The following CDH6 variants were observed in gnomAD, a reference collection of about 807,000 sequenced individuals.
The protein encoded by CDH6 is cadherin-6.
A neutral mutation model predicts 78.0 loss-of-function variants in CDH6; 31 were observed. The observed-to-expected ratio is 0.40, with a 90% CI of 0.30 to 0.54. The LOEUF (loss-of-function observed/expected upper bound fraction) is 0.54, where lower values mean the gene tolerates loss of function less well. Ranked by LOEUF, CDH6 falls within the 20% of genes least tolerant of loss-of-function variation. The pLI, the probability that CDH6 is intolerant of heterozygous loss-of-function variation, is 0.56. For synonymous variants in CDH6, 376 were observed against 368.8 expected, an observed-to-expected ratio of 1.02 and a Z score of -0.23; for missense variants, 724 against 975.9, an observed-to-expected ratio of 0.74 and a Z score of 3.44.
intron 1 of CDH6, among the ~76,000 whole-genome samples, chr5:31,202,762 C>T (rs990665163): frequency 2.0e-5 from 3 of 149,818 alleles, no homozygotes; most frequent in African/African-American, 7.4e-5. Context: ...GTAACATATA[C>T]ACGCATATAT....
intron 1 of CDH6, among the ~76,000 whole-genome samples, chr5:31,234,749 T>G (rs556552649): frequency 1.3e-5 from 2 of 152,368 alleles, no homozygotes; most frequent in East Asian, 3.8e-4. Flanking sequence ...TATTATTATA[T>G]TGATTAGCTC....
intron 1 of CDH6, among the ~76,000 whole-genome samples, chr5:31,227,445 A>G (rs2111844659): frequency 6.6e-6 from 1 of 152,364 alleles, no homozygotes; most frequent in African/African-American, 2.4e-5. Flanking sequence ...TAATAAATAA[A>G]CAAGCATATA....
intron 2 of CDH6, among the ~76,000 whole-genome samples, chr5:31,282,342 C>T (rs528935781): frequency 4.6e-5 from 7 of 152,214 alleles, no homozygotes; most frequent in East Asian, 1.9e-4. Context: ...CAGCTCATGG[C>T]GCCTTCCTCC....
chr5:31,299,665 G>A (rs1264234568), intron 5 of CDH6, 34 bp downstream of exon 5: 3 of 1,554,552 alleles, frequency 1.9e-6, no homozygotes, highest in South Asian at 1.1e-5. Context: ...TTTCTTCAAT[G>A]TGCTTTTATA....
chr5:31,245,899 CT>C (rs71612205), intron 1 of CDH6, among the ~76,000 whole-genome samples: 11,947 of 88,340 alleles, frequency 0.14, 209 homozygotes, highest in East Asian at 0.31. Flanking sequence ...CTCTCTCTCT[CT>C]TTTTTTTTTT....
In CDH6 at chr5:31,324,705, C is replaced by T. The variant is rs1738578318; in HGVS notation, c.*1397C>T. 9.5e-6 allele frequency: 2 copies of T among 209,722 alleles called. No homozygotes were observed. Among genetic ancestry groups the T allele is most frequent in the East Asian group, 1.5e-4 (2 of 13,774 alleles). The allele number at this position is 209,722 out of a possible 1,614,324, so 13.0% of individuals were successfully genotyped here. A position where few individuals can be genotyped will look rare whatever the true frequency, so the allele number is the denominator to read the frequency against. ...GACAGAAAAGTAATGTAAAATCCAT[C>T]CAATCTATTATTTCTCTAATTATGC... On this transcript the variant is annotated 3_prime_UTR_variant, in exon 12 of 12. Transcript: ENST00000265071.
rs758679211 is a variant in CDH6, at chr5:31,323,409, G to A, written c.*101G>A. ...CCGTGAAGGCTTCTCTGTTCTACCC[G>A]TTCCAAAAGCCAATGGCTGCAGTCC... On this transcript the variant is annotated 3_prime_UTR_variant, in exon 12 of 12. Transcript: ENST00000265071. 3 of 1,355,960 alleles carry A rather than the reference G, an allele frequency of 2.2e-6. No individual in the cohort carries two copies. Among genetic ancestry groups the A allele is most frequent in the East Asian group, 2.3e-5 (1 of 43,022 alleles). 84.0% of individuals were successfully genotyped at this position (1,355,960 alleles called of 1,614,324 possible).
intron 1 of CDH6, among the ~76,000 whole-genome samples, chr5:31,253,229 A>G (rs1741956724): frequency 6.6e-6 from 1 of 152,172 alleles, no homozygotes; most frequent in Non-Finnish European, 1.5e-5. Flanking sequence ...TAATCCCCAC[A>G]TGCCGTCGGA....
intron 1 of CDH6, among the ~76,000 whole-genome samples, chr5:31,247,093 C>A (rs1469631375): frequency 6.6e-5 from 10 of 152,162 alleles, no homozygotes; most frequent in Non-Finnish European, 2.9e-5. Context: ...TGCCCTCATA[C>A]CTTTCAGGGA....
At chr5:31,257,061 A>C (rs1050667851) in intron 1 of CDH6, among the ~76,000 whole-genome samples, 15 of 152,220 alleles carry the variant, frequency 9.9e-5, no homozygotes, top group Non-Finnish European at 2.2e-4. Flanking sequence ...ATTCAAAAGA[A>C]CTTGGACCTT....
intron 7 of CDH6, among the ~76,000 whole-genome samples, chr5:31,312,224 T>C (rs1237351046): frequency 6.6e-6 from 1 of 152,218 alleles, no homozygotes; most frequent in Non-Finnish European, 1.5e-5. Flanking sequence ...TAGATATCTC[T>C]TCCTGAACTT....
At chr5:31,243,647 AACTTCTC>A (rs1741663785) in intron 1 of CDH6, among the ~76,000 whole-genome samples, 1 of 152,026 alleles carries the variant, frequency 6.6e-6, no homozygotes, top group Non-Finnish European at 1.5e-5. Flanking sequence ...CCCTGAGAAC[AACTTCTC>A]TCCTGGGAGG....
In CDH6 at chr5:31,294,148, G is replaced by A. The variant is rs575697118; in HGVS notation, c.415G>A (p.Val139Met). 1.9e-5 allele frequency: 30 copies of A among 1,613,650 alleles called. No individual in the cohort carries two copies. Among genetic ancestry groups the A allele is most frequent in the East Asian group, 2.2e-5 (1 of 44,854 alleles). ...TATAAACAGAAGGACAGGGAGACCC[G>A]TGGAGCCCGAGTCTGAATTCATCAT... is the stretch of plus-strand genomic sequence containing the variant. ...QAINRRTGRP[V>M]EPESEFIIKI... is the part of the protein sequence containing the mutation. The change falls in exon 3 of 12, where the codon GTG (valine) becomes ATG (methionine). Residue 139 changes from valine to methionine, a missense_variant. By Grantham distance (21) the Val-to-Met change is conservative (BLOSUM62 1). This residue lies in a region of CDH6 where 446 missense variants were observed against 684.5 expected (regional missense o/e 0.65). Coordinates refer to ENST00000265071, the MANE Select transcript of CDH6 (RefSeq NM_004932.4). This position sits in a 1 kb window ranked among gnomAD's most constrained non-coding sequence, Gnocchi z 4.1.
At chr5:31,313,081 G>A (rs1738201199) in intron 7 of CDH6, among the ~76,000 whole-genome samples, 1 of 152,014 alleles carries the variant, frequency 6.6e-6, no homozygotes, top group African/African-American at 2.4e-5. Flanking sequence ...GATCTTCAAA[G>A]TCATGCAACT....
intron 1 of CDH6, among the ~76,000 whole-genome samples, chr5:31,206,903 C>T (rs1047824991): frequency 2.0e-5 from 3 of 151,942 alleles, no homozygotes; most frequent in African/African-American, 7.3e-5. Flanking sequence ...CTACCAAAAG[C>T]TTAACATGGT....
In CDH6 at chr5:31,322,972, T is replaced by G; in HGVS notation, c.2037T>G (p.Asn679Lys). The stretch of plus-strand genomic sequence containing the variant: ...CTTTTGATATCGGCACCCTGAGGAA[T>G]CCTGAAGCCATAGAGGACAACAAAT... ...TQAFDIGTLR[N>K]PEAIEDNKLR... The change falls in exon 12 of 12, where the codon AAT becomes AAG. Residue 679 changes from asparagine (N) to lysine (K), a missense_variant. Asn to Lys is a moderately conservative substitution (Grantham distance 94). This residue lies in a region of CDH6 where 220 missense variants were observed against 240.6 expected (regional missense o/e 0.91). Coordinates refer to ENST00000265071, the MANE Select transcript of CDH6 (RefSeq NM_004932.4). The G allele has an allele frequency of 6.2e-7, 1 of 1,614,060 alleles. No homozygotes were observed. Among genetic ancestry groups the G allele is most frequent in the Non-Finnish European group, 8.5e-7 (1 of 1,180,014 alleles).
rs561419023 is a variant in CDH6 at position 31,212,544 on chromosome 5, G to A, written c.-129+18658G>A. Among the ~76,000 whole-genome samples the A allele has an allele frequency of 1.5e-4, 23 of 152,202 alleles. No individual in the cohort carries two copies. In the South Asian group the frequency reaches 4.4e-3, roughly 29 times the overall value. The stretch of plus-strand genomic sequence containing the variant: ...CCATTCCCTAGAAAATCTGCAACCC[G>A]ATTTCATTCTCATTTGGGCTTAGGA... On this transcript the variant is annotated intron_variant, in intron 1 of 11. Coordinates refer to ENST00000265071, the MANE Select transcript of CDH6 (RefSeq NM_004932.4).
intron 7 of CDH6, among the ~76,000 whole-genome samples, chr5:31,309,336 C>A (rs1738083195): frequency 6.6e-6 from 1 of 152,040 alleles, no homozygotes; most frequent in Admixed American, 6.6e-5. Flanking sequence ...TTATAATTCA[C>A]TACTTGTGTT....
At chr5:31,297,964 A>G (rs1247902938) in intron 4 of CDH6, among the ~76,000 whole-genome samples, 1 of 152,314 alleles carries the variant, frequency 6.6e-6, no homozygotes, top group East Asian at 1.9e-4. Flanking sequence ...GAACAAAGCT[A>G]CCTGCTTACC....
Sources: allele counts gnomAD v4.1 joint callset (sites outside exome capture counted in the v4.1 genomes callset), GRCh38; gene constraint gnomAD v4.1.1; regional missense constraint gnomAD v4.1.1; non-coding constraint Gnocchi (gnomAD v3.1); transcripts MANE v1.5; gene names NCBI Gene and HGNC (gene_info 2026-07-23, HGNC 2026-07-21).